CACNB1: variants seen among roughly 807,000 people sequenced by gnomAD.
CACNB1 encodes calcium voltage-gated channel auxiliary subunit beta 1.
In CACNB1, 29 loss-of-function variants were observed where a neutral mutation model predicts 71.6. The ratio of observed to expected loss-of-function variants is 0.40; its 90% CI spans 0.30 to 0.55. CACNB1 has a LOEUF of 0.55. CACNB1 is among the 20% of genes least tolerant of loss of function. CACNB1 has a pLI of 0.38. For synonymous variants in CACNB1, 300 were observed against 319.6 expected, an observed-to-expected ratio of 0.94 and a Z score of 0.65; for missense variants, 623 against 801.8, an observed-to-expected ratio of 0.78 and a Z score of 2.69.
In CACNB1 at chr17:39,174,777, C is replaced by G. The variant is rs527385907; in HGVS notation, c.*416G>C. 191 of 164,166 alleles carry G rather than the reference C, an allele frequency of 1.2e-3. No homozygotes were observed. Among genetic ancestry groups the G allele is most frequent in the Admixed American group, 4.1e-3 (68 of 16,444 alleles). 10.2% of individuals were successfully genotyped at this position (164,166 alleles called of 1,614,324 possible). A position where few individuals can be genotyped will look rare whatever the true frequency, so the allele number is the denominator to read the frequency against. ...AGCCCCCATGGGAAAGAATCTGTGG[C>G]CTCCCTTTCCAGGAAAAGCGCCCAG... is the stretch of plus-strand genomic sequence containing the variant. On this transcript the variant is annotated 3_prime_UTR_variant, in exon 14 of 14. Coordinates refer to ENST00000394303, the MANE Select transcript of CACNB1 (RefSeq NM_000723.5).
intron 6 of CACNB1, chr17:39,185,986 C>G (rs745394525): frequency 6.2e-7 from 1 of 1,613,402 alleles, no homozygotes; most frequent in Non-Finnish European, 8.5e-7. Context: ...CATGGGGTGG[C>G]GGGGTGGTGA....
In CACNB1 at chr17:39,175,595, C is replaced by T; in HGVS notation, c.1395G>A (p.Met465Ile). 6.2e-7 allele frequency: 1 copy of T among 1,605,308 alleles called. No individual in the cohort carries two copies. The highest frequency in any genetic ancestry group is 8.5e-7 in the Non-Finnish European group (1 of 1,175,140). ...GGCCCAGCTCCCCTGGGTACTCGTG[C>T]ATGCTGGCGTGCTCCCCGGTGGCCC... is the stretch of plus-strand genomic sequence containing the variant. Reference protein sequence around the residue: ...LERATGEHASMHEYPGELGQP... With the variant: ...LERATGEHASIHEYPGELGQP... The change falls in exon 14 of 14, where the codon ATG becomes ATA. Residue 465 changes from methionine (M) to isoleucine (I), a missense_variant. Transcript: ENST00000394303. The surrounding 1 kb of genome is among the most constrained non-coding windows in gnomAD (Gnocchi z 4.7).
intron 2 of CACNB1, chr17:39,193,517 G>A (rs780620909): frequency 9.0e-6 from 4 of 442,938 alleles, no homozygotes; most frequent in South Asian, 3.2e-5. Context: ...GGCCTAGGGG[G>A]TGGCCCAAAC....
intron 1 of CACNB1, among the ~76,000 whole-genome samples, chr17:39,195,957 G>A (rs141906467): frequency 9.8e-5 from 15 of 152,290 alleles, no homozygotes; most frequent in Non-Finnish European, 1.8e-4. Flanking sequence ...GGTTAAGGGC[G>A]TCAGGTATTT....
At position 39,173,579 on chromosome 17, in the gene CACNB1, A is replaced by AG. The variant is rs1325860546; in HGVS notation, c.*1613dup. 2.0e-5 allele frequency: 3 copies of AG among 152,526 alleles called. No individual in the cohort carries two copies. In the East Asian group the frequency reaches 5.6e-4, roughly 29 times the overall value. 9.4% of individuals were successfully genotyped at this position (152,526 alleles called of 1,614,324 possible). On this transcript the variant is annotated 3_prime_UTR_variant, in exon 14 of 14. Coordinates refer to ENST00000394303, the MANE Select transcript of CACNB1 (RefSeq NM_000723.5). ...GAGAGACAGGTAAGTGAAGGGGCTCAGGGCCAGTGTGGAGCTGGGACTGCC... is the reference window on the plus strand; with the variant it reads ...GAGAGACAGGTAAGTGAAGGGGCTCAGGGGCCAGTGTGGAGCTGGGACTGCC...
At position 39,175,292 on chromosome 17, in the gene CACNB1, G is replaced by T; in HGVS notation, c.1698C>A (p.Gly566=). The change falls in exon 14 of 14, where the codon GGC becomes GGA. Residue 566 remains glycine, a synonymous_variant. Transcript: ENST00000394303. The surrounding 1 kb of genome is among the most constrained non-coding windows in gnomAD (Gnocchi z 4.7). ...EEELTDNRNR[G]RNKARYCAEG... ...CAGCGCAGTAGCGGGCCTTATTCCG[G>T]CCCCGGTTCCGGTTGTCGGTCAGCT... 6.2e-7 allele frequency: 1 copy of T among 1,614,134 alleles called. No homozygotes were observed. Among genetic ancestry groups the T allele is most frequent in the East Asian group, 2.2e-5 (1 of 44,878 alleles).
intron 13 of CACNB1, among the ~76,000 whole-genome samples, chr17:39,176,571 A>C (rs2045583130): frequency 1.3e-5 from 2 of 152,204 alleles, no homozygotes; most frequent in South Asian, 4.1e-4. Flanking sequence ...GCAAGGATGC[A>C]TTATCTAACA....
At chr17:39,181,812 G>GT (rs1460113586) in intron 11 of CACNB1, among the ~76,000 whole-genome samples, 1 of 152,122 alleles carries the variant, frequency 6.6e-6, no homozygotes, top group Non-Finnish European at 1.5e-5. Context: ...GAGGTCAGGA[G>GT]TTTGAGACCA....
intron 1 of CACNB1, 132 bp from the exon 2 acceptor site, chr17:39,195,102 C>A: frequency 1.6e-6 from 1 of 628,714 alleles, no homozygotes; most frequent in East Asian, 2.8e-5. Context: ...CCTGCACATT[C>A]CTCCTGAGGT....
rs904851643 is a variant in CACNB1 at position 39,194,229 on chromosome 17, G to A, written c.171+655C>T. On this transcript the variant is annotated intron_variant, in intron 2 of 13. Transcript: ENST00000394303. This position sits in a 1 kb window ranked among gnomAD's most constrained non-coding sequence, Gnocchi z 4.6. Reference sequence around the variant, plus strand: ...TCACCCTGAGCCTAAGATGGCCCAGGGTTGACAGATGAGAGCAGCCGCTTA... The same window carrying A: ...TCACCCTGAGCCTAAGATGGCCCAGAGTTGACAGATGAGAGCAGCCGCTTA... Among the ~76,000 whole-genome samples the A allele has an allele frequency of 6.6e-6, 1 of 152,114 alleles. No homozygotes were observed. Among genetic ancestry groups the A allele is most frequent in the Non-Finnish European group, 1.5e-5 (1 of 68,028 alleles).
At position 39,187,012 on chromosome 17, in the gene CACNB1, C is replaced by T. The variant is rs545449569; in HGVS notation, c.415-83G>A. Reference sequence around the variant, plus strand: ...TAGCAGTCACTCTCTAGGGGAAACGCCCAGACTCACCTCCCAGCCCAGGGG... The same window carrying T: ...TAGCAGTCACTCTCTAGGGGAAACGTCCAGACTCACCTCCCAGCCCAGGGG... On this transcript the variant is annotated intron_variant, in intron 4 of 13. Transcript: ENST00000394303. 19 of 1,457,936 alleles carry T rather than the reference C, an allele frequency of 1.3e-5. No individual in the cohort carries two copies. The Admixed American group carries it at 2.6e-4, about 20-fold the overall frequency. The allele number at this position is 1,457,936 out of a possible 1,614,324, so 90.3% of individuals were successfully genotyped here. A position where few individuals can be genotyped will look rare whatever the true frequency, so the allele number is the denominator to read the frequency against.
At position 39,175,409 on chromosome 17, in the gene CACNB1, T is replaced by C. The variant is rs1269737018; in HGVS notation, c.1581A>G (p.Ser527=). The change falls in exon 14 of 14, where the codon TCA becomes TCG. Residue 527 remains serine, a synonymous_variant. Transcript: ENST00000394303. This position sits in a 1 kb window ranked among gnomAD's most constrained non-coding sequence, Gnocchi z 4.7. ...CAGGGTCTCCAAGCCCTGGCCCCTC[T>C]GAGGGGTCAGTCTCCATGTCCACAC... The part of the protein sequence containing the change: ...DSCVDMETDP[S]EGPGLGDPAG... The C allele has an allele frequency of 1.2e-6, 2 of 1,614,066 alleles. No homozygotes were observed. Among genetic ancestry groups the C allele is most frequent in the Non-Finnish European group, 1.7e-6 (2 of 1,180,026 alleles).
chr17:39,181,079 C>T (rs747185873), intron 11 of CACNB1, among the ~76,000 whole-genome samples: 2 of 151,772 alleles, frequency 1.3e-5, no homozygotes, highest in African/African-American at 2.4e-5. Context: ...GGATACCAAG[C>T]GTTTATTTTT....
intron 13 of CACNB1, among the ~76,000 whole-genome samples, chr17:39,176,006 T>C (rs1338771004): frequency 1.3e-5 from 2 of 152,220 alleles, no homozygotes; most frequent in Non-Finnish European, 2.9e-5. Flanking sequence ...AGCTCAGTAT[T>C]GCCACTCATT....
rs905654362 is a variant in CACNB1 at position 39,184,506 on chromosome 17, C to T, written c.730-123G>A. The T allele has an allele frequency of 4.6e-4, 310 of 674,630 alleles. 1 individual carries two copies. The highest frequency in any genetic ancestry group is 7.4e-4 in the Non-Finnish European group (276 of 372,170). 41.8% of individuals were successfully genotyped at this position (674,630 alleles called of 1,614,324 possible). The stretch of plus-strand genomic sequence containing the variant: ...CTTTCTTCTGGACAGGCCTTTACGG[C>T]GGGCGGGGGTCTGAGTCTGAGGGGC... On this transcript the variant is annotated intron_variant, in intron 8 of 13. Coordinates refer to ENST00000394303, the MANE Select transcript of CACNB1 (RefSeq NM_000723.5).
rs759403493 is a variant in CACNB1, at chr17:39,186,901, C to A, written c.443G>T (p.Arg148Leu). ...EKYNNDWWIG[R>L]LVKEGCEVGF... ...AACCTCACAGCCCTCCTTCACCAGC[C>A]GCCCGATCCACCAGTCATTATTGTA... The change falls in exon 5 of 14, where the codon CGG becomes CTG. Residue 148 changes from arginine to leucine, a missense_variant. Physicochemically the swap from Arg to Leu is moderately radical, Grantham distance 102. Coordinates refer to ENST00000394303, the MANE Select transcript of CACNB1 (RefSeq NM_000723.5). This position sits in a 1 kb window ranked among gnomAD's most constrained non-coding sequence, Gnocchi z 4.1. 1 of 1,613,998 alleles carries A rather than the reference C, an allele frequency of 6.2e-7. No homozygotes were observed. The highest frequency in any genetic ancestry group is 1.7e-5 in the Admixed American group (1 of 59,984).
intron 11 of CACNB1, among the ~76,000 whole-genome samples, chr17:39,179,347 G>T (rs1407464627): frequency 6.6e-6 from 1 of 151,152 alleles, no homozygotes; most frequent in Non-Finnish European, 1.5e-5. Flanking sequence ...CCAGCACTTT[G>T]GGAGGCCAAG....
At chr17:39,196,165 G>A (rs1266578469) in intron 1 of CACNB1, among the ~76,000 whole-genome samples, 6 of 152,114 alleles carry the variant, frequency 3.9e-5, no homozygotes, top group African/African-American at 2.4e-5. Flanking sequence ...TTGGCTGCTG[G>A]GATCAGGGTA....
rs1429801949 is a variant in CACNB1 at position 39,197,536 on chromosome 17, G to A, written c.-41C>T. 3 of 1,444,126 alleles carry A rather than the reference G, an allele frequency of 2.1e-6. No individual in the cohort carries two copies. Among genetic ancestry groups the A allele is most frequent in the Middle Eastern group, 2.4e-4 (1 of 4,208 alleles). The allele number at this position is 1,444,126 out of a possible 1,614,324, so 89.5% of individuals were successfully genotyped here. A position where few individuals can be genotyped will look rare whatever the true frequency, so the allele number is the denominator to read the frequency against. On this transcript the variant is annotated 5_prime_UTR_variant, in exon 1 of 14. Transcript: ENST00000394303. The stretch of plus-strand genomic sequence containing the variant: ...CTCCCGCCGCCGGCCCGGCCCAGCC[G>A]GGCTCCCTCAGCGCATGGGAGAGGC...
Sources: gnomAD v4.1 joint callset for allele counts (sites outside exome capture counted in the v4.1 genomes callset) on GRCh38, gnomAD v4.1.1 for gene constraint, Gnocchi (gnomAD v3.1) non-coding constraint, MANE v1.5 for transcripts, NCBI Gene and HGNC (gene_info 2026-07-23, HGNC 2026-07-21) for gene names.